Variants in DIP2B observed in about 807,000 individuals in gnomAD.
The protein encoded by DIP2B is DIP2 acetate--CoA ligase B (putative).
Under a neutral mutation model 198.0 loss-of-function variants are expected in DIP2B, and 76 were observed. The ratio of observed to expected loss-of-function variants is 0.38; its 90% CI spans 0.32 to 0.46. The LOEUF is 0.46. DIP2B is among the 20% of genes least tolerant of loss of function. The pLI is 0.99. For missense variants in DIP2B, 1,559 were observed against 1,978.4 expected (o/e 0.79, Z 4.02); for synonymous variants, 701 against 739.1 (o/e 0.95, Z 0.84).
At chr12:50,543,445 A>G (rs10783371) in intron 1 of DIP2B, among the ~76,000 whole-genome samples, 41,091 of 151,390 alleles carry the variant, frequency 0.27, 5,892 homozygotes, top group East Asian at 0.37. Flanking sequence ...ACCCGCCATC[A>G]CGCCAGCTAA....
chr12:50,551,975 A>G (rs890256637), intron 1 of DIP2B, among the ~76,000 whole-genome samples: 1 of 152,128 alleles, frequency 6.6e-6, no homozygotes, highest in East Asian at 1.9e-4. Context: ...TAATTTTTTG[A>G]GGAAGTTCCC....
intron 1 of DIP2B, among the ~76,000 whole-genome samples, chr12:50,532,118 G>A (rs1958223850): frequency 1.3e-5 from 2 of 152,176 alleles, no homozygotes; most frequent in South Asian, 2.1e-4. Context: ...AAACAGAAGG[G>A]AAGAAGGAAA....
chr12:50,636,925 C>A (rs1482580235), intron 2 of DIP2B, among the ~76,000 whole-genome samples: 1 of 152,100 alleles, frequency 6.6e-6, no homozygotes, highest in African/African-American at 2.4e-5. Context: ...GGCAGGTGGC[C>A]CCTTTTCCAG....
At chr12:50,557,000 G>A (rs935562595) in intron 1 of DIP2B, among the ~76,000 whole-genome samples, 1 of 152,072 alleles carries the variant, frequency 6.6e-6, no homozygotes, top group African/African-American at 2.4e-5. Flanking sequence ...ATGAGTCACC[G>A]CGCCCGGTGC....
chr12:50,576,177 T>G (rs1370700753), intron 1 of DIP2B, among the ~76,000 whole-genome samples: 1 of 149,938 alleles, frequency 6.7e-6, no homozygotes, highest in Non-Finnish European at 1.5e-5. Context: ...TCAAGTGATT[T>G]ACCTGCCTCA....
chr12:50,618,028 A>G lies in DIP2B; in HGVS notation c.101-7948A>G, dbSNP rs566517792. Among the ~76,000 whole-genome samples, 52 of 152,342 alleles carry G rather than the reference A, an allele frequency of 3.4e-4. 1 individual carries two copies. Among genetic ancestry groups the G allele is most frequent in the Admixed American group, 1.1e-3 (17 of 15,304 alleles). Reference sequence around the variant, plus strand: ...CAATGGACAAAGAACAGCAAGAAAAAGGCCAGAGATTCTAGTCTAGCTTAG... The same window carrying G: ...CAATGGACAAAGAACAGCAAGAAAAGGGCCAGAGATTCTAGTCTAGCTTAG... On this transcript the variant is annotated intron_variant, in intron 1 of 37. Coordinates refer to ENST00000301180, the MANE Select transcript of DIP2B (RefSeq NM_173602.3).
rs755663336 is a variant in DIP2B at position 50,686,641 on chromosome 12, C to T, written c.1510C>T (p.Pro504Ser). The T allele has an allele frequency of 6.2e-7, 1 of 1,614,076 alleles. No homozygotes were observed. The highest frequency in any genetic ancestry group is 8.5e-7 in the Non-Finnish European group (1 of 1,180,008). ...YLSKPPKDWQ[P>S]HISPAGTEPA... The stretch of plus-strand genomic sequence containing the variant: ...TTCAAAGCCACCGAAAGACTGGCAG[C>T]CACACATCTCACCTGCTGGGACAGA... The change falls in exon 12 of 38, where the codon CCA becomes TCA. Residue 504 changes from proline to serine, a missense_variant. By Grantham distance (74) the Pro-to-Ser change is moderately conservative. Coordinates refer to ENST00000301180, the MANE Select transcript of DIP2B (RefSeq NM_173602.3).
chr12:50,578,665 A>G (rs10876064), intron 1 of DIP2B, among the ~76,000 whole-genome samples: 41,282 of 151,242 alleles, frequency 0.27, 5,926 homozygotes, highest in East Asian at 0.39. Flanking sequence ...CCGCCATCAC[A>G]CCCGGCTAAT....
intron 1 of DIP2B, among the ~76,000 whole-genome samples, chr12:50,522,875 A>C (rs2139354377): frequency 6.6e-6 from 1 of 152,338 alleles, no homozygotes; most frequent in East Asian, 1.9e-4. Flanking sequence ...GGTAAGTAAA[A>C]GCATTATTTG....
At chr12:50,591,438 G>C (rs1958817470) in intron 1 of DIP2B, among the ~76,000 whole-genome samples, 1 of 151,226 alleles carries the variant, frequency 6.6e-6, no homozygotes, top group South Asian at 2.1e-4. Context: ...AATTATGCAT[G>C]ATAATTTTTT....
At chr12:50,687,874 G>A (rs536831353) in intron 12 of DIP2B, among the ~76,000 whole-genome samples, 40 of 150,010 alleles carry the variant, frequency 2.7e-4, no homozygotes, top group Admixed American at 4.0e-4. Flanking sequence ...AGTTCTGCAC[G>A]TGTCCCAGAA....
At position 50,698,417 on chromosome 12, in the gene DIP2B, A is replaced by C. The variant is rs200675995; in HGVS notation, c.2138A>C (p.Asp713Ala). ...GGGGTAATACGGGTCAATACTGAAG[A>C]TAAAAATTCAGCACTGACGGTCCAG... ...SYGVIRVNTE[D>A]KNSALTVQDV... is the part of the protein sequence containing the mutation. The change falls in exon 18 of 38, where the codon GAT becomes GCT. Residue 713 changes from aspartate to alanine, a missense_variant. Physicochemically the swap from Asp to Ala is moderately radical, Grantham distance 126. Coordinates refer to ENST00000301180, the MANE Select transcript of DIP2B (RefSeq NM_173602.3). 1 of 1,613,938 alleles carries C rather than the reference A, an allele frequency of 6.2e-7. No individual in the cohort carries two copies. The highest frequency in any genetic ancestry group is 1.7e-5 in the Admixed American group (1 of 60,016).
At chr12:50,680,426 C>A in intron 8 of DIP2B, 1 of 372,042 alleles carries the variant, frequency 2.7e-6, no homozygotes, top group Non-Finnish European at 4.8e-6. Flanking sequence ...TTATGTAAAC[C>A]AGGATGAGCA....
intron 1 of DIP2B, among the ~76,000 whole-genome samples, chr12:50,512,031 T>C (rs1958022021): frequency 1.3e-5 from 2 of 151,204 alleles, no homozygotes. Flanking sequence ...GAGCTCCTTT[T>C]ACCTTGGCTC....
chr12:50,698,622 A>G (rs1363799341), intron 18 of DIP2B, among the ~76,000 whole-genome samples, 155 bp downstream of exon 18: 1 of 152,244 alleles, frequency 6.6e-6, no homozygotes, highest in Non-Finnish European at 1.5e-5. Flanking sequence ...AGTCATTATA[A>G]TTATGCTGAC....
At chr12:50,642,477 A>G (rs1344068741) in intron 3 of DIP2B, among the ~76,000 whole-genome samples, 2 of 152,064 alleles carry the variant, frequency 1.3e-5, no homozygotes, top group Non-Finnish European at 2.9e-5. Context: ...ATTTTGCAGA[A>G]AGAAGGGAAT....
chr12:50,655,769 C>T (rs182356546), intron 3 of DIP2B, among the ~76,000 whole-genome samples: 1 of 152,180 alleles, frequency 6.6e-6, no homozygotes, highest in African/African-American at 2.4e-5. Flanking sequence ...TGCTTGAGCC[C>T]AGGAATTTGA....
intron 1 of DIP2B, among the ~76,000 whole-genome samples, chr12:50,577,422 C>T (rs1314012435): frequency 6.6e-6 from 1 of 151,902 alleles, no homozygotes; most frequent in Admixed American, 6.6e-5. Flanking sequence ...TAGTCCCAGC[C>T]ACTCGGGAAG....
At chr12:50,706,429 G>T (rs1307801707) in intron 20 of DIP2B, 109 bp from the exon 21 acceptor site, 3 of 1,312,124 alleles carry the variant, frequency 2.3e-6, no homozygotes, top group African/African-American at 1.5e-5. Flanking sequence ...TATGGCAGTT[G>T]TGTTTTTAAT....
Sources: gnomAD v4.1 joint callset for allele counts (sites outside exome capture counted in the v4.1 genomes callset) on GRCh38, gnomAD v4.1.1 for gene constraint, MANE v1.5 for transcripts, NCBI Gene and HGNC (gene_info 2026-07-23, HGNC 2026-07-21) for gene names.